DHRSX: variants seen among roughly 807,000 people sequenced by gnomAD.
The protein encoded by DHRSX is dehydrogenase/reductase X-linked, also known as polyprenol dehydrogenase.
A neutral mutation model predicts 34.0 loss-of-function variants in DHRSX; 31 were observed. The ratio of observed to expected loss-of-function variants is 0.91; its 90% CI spans 0.69 to 1.23. The LOEUF (loss-of-function observed/expected upper bound fraction) is 1.23, where lower values mean the gene tolerates loss of function less well. Ranked by LOEUF, DHRSX falls within the 50% of genes most tolerant of loss-of-function variation. The pLI, the probability that DHRSX is intolerant of heterozygous loss-of-function variation, is 0.00. For missense variants in DHRSX, 414 were observed against 428.1 expected (o/e 0.97, Z 0.29); for synonymous variants, 201 against 183.8 (o/e 1.09, Z -0.76).
intron 5 of DHRSX, among the ~76,000 whole-genome samples, chrX:2,248,355 C>A (rs891274780): frequency 6.6e-6 from 1 of 150,958 alleles, no homozygotes; most frequent in Non-Finnish European, 1.5e-5. Flanking sequence ...ATGGTGTGAA[C>A]CCAGGAGGCG....
At position 2,294,813 on chromosome X, in the gene DHRSX, AG is replaced by A. The variant is rs201013636; in HGVS notation, c.287-3211del. Among the ~76,000 whole-genome samples, 294 of 149,328 alleles carry A rather than the reference AG, an allele frequency of 2.0e-3. 2 individuals carry two copies. The highest frequency in any genetic ancestry group is 6.4e-3 in the African/African-American group (263 of 40,812). On this transcript the variant is annotated intron_variant, in intron 3 of 6. Transcript: ENST00000334651. ...AGAGAGGGAGAGAGAGAGAGGAAAA[AG>A]AGAGGGAGAGAGAGAGGGAGAAAGA...
chrX:2,225,453 T>G (rs1198146653), intron 6 of DHRSX, among the ~76,000 whole-genome samples: 2 of 152,054 alleles, frequency 1.3e-5, no homozygotes, highest in Admixed American at 6.6e-5. Context: ...CATGCAAACA[T>G]GCTTATATAT....
At chrX:2,489,662 C>G (rs1260501825) in intron 1 of DHRSX, 1 of 1,612,326 alleles carries the variant, frequency 6.2e-7, no homozygotes, top group Admixed American at 1.7e-5. Context: ...GCTCCCCCAC[C>G]AGGAGACGCG....
intron 3 of DHRSX, among the ~76,000 whole-genome samples, chrX:2,329,344 C>T (rs1237357606): frequency 1.3e-5 from 2 of 152,138 alleles, no homozygotes; most frequent in African/African-American, 4.8e-5. Context: ...TGAATCAGTG[C>T]TGCTACAATA....
chrX:2,272,650 T>C (rs2041572745), intron 4 of DHRSX, among the ~76,000 whole-genome samples: 1 of 152,072 alleles, frequency 6.6e-6, no homozygotes, highest in Non-Finnish European at 1.5e-5. Context: ...CCTGACATGC[T>C]GGAGAGGCCC....
chrX:2,484,317 C>T (rs1280804283), intron 1 of DHRSX, among the ~76,000 whole-genome samples: 2 of 152,144 alleles, frequency 1.3e-5, no homozygotes, highest in Non-Finnish European at 2.9e-5. Flanking sequence ...TGTTGAGAGA[C>T]AGAGAATGCA....
chrX:2,269,481 C>T (rs991489167), intron 4 of DHRSX, among the ~76,000 whole-genome samples: 9 of 152,014 alleles, frequency 5.9e-5, no homozygotes, highest in Non-Finnish European at 1.5e-5. Context: ...AATACATTTT[C>T]CTAGGTACAT....
intron 4 of DHRSX, among the ~76,000 whole-genome samples, chrX:2,271,283 G>A (rs1458518764): frequency 6.6e-6 from 1 of 152,190 alleles, no homozygotes; most frequent in Non-Finnish European, 1.5e-5. Flanking sequence ...CTCACCGTGA[G>A]GGTCTGCGGC....
At chrX:2,253,150 T>C (rs939472202) in intron 5 of DHRSX, among the ~76,000 whole-genome samples, 1 of 151,886 alleles carries the variant, frequency 6.6e-6, no homozygotes, top group African/African-American at 2.4e-5. Context: ...ATAGCGTCAC[T>C]GCACGGCCTG....
intron 3 of DHRSX, among the ~76,000 whole-genome samples, chrX:2,379,380 A>T (rs962546943): frequency 6.6e-6 from 1 of 152,170 alleles, no homozygotes; most frequent in Non-Finnish European, 1.5e-5. Flanking sequence ...ATGGATGATG[A>T]CTAATTAGTC....
At chrX:2,248,432 C>A (rs865968606) in intron 5 of DHRSX, among the ~76,000 whole-genome samples, 397 of 110,996 alleles carry the variant, frequency 3.6e-3, no homozygotes, top group Middle Eastern at 0.02. Context: ...GACTCTGTCT[C>A]AAAAAAAAAA....
intron 1 of DHRSX, among the ~76,000 whole-genome samples, chrX:2,454,950 T>C (rs951816301): frequency 1.3e-5 from 2 of 151,558 alleles, no homozygotes; most frequent in Non-Finnish European, 2.9e-5. Context: ...CTGTCTCTAC[T>C]AAAAACACAA....
intron 3 of DHRSX, among the ~76,000 whole-genome samples, chrX:2,318,542 C>A (rs73187629): frequency 0.18 from 27,898 of 151,970 alleles, 2,783 homozygotes; most frequent in Admixed American, 0.24. Context: ...GTTCATTATA[C>A]GCTAACTCTA....
At chrX:2,433,424 A>G (rs1441193112) in intron 1 of DHRSX, among the ~76,000 whole-genome samples, 1 of 152,042 alleles carries the variant, frequency 6.6e-6, no homozygotes, top group Non-Finnish European at 1.5e-5. Context: ...TCTGGGATAC[A>G]TGTGTAGAAC....
intron 1 of DHRSX, among the ~76,000 whole-genome samples, chrX:2,444,729 T>A (rs1391167626): frequency 6.6e-6 from 1 of 151,782 alleles, no homozygotes; most frequent in African/African-American, 2.4e-5. Context: ...CCAGCTATCA[T>A]GAGGCTGAGG....
At chrX:2,268,764 T>C (rs1320410302) in intron 4 of DHRSX, among the ~76,000 whole-genome samples, 1 of 152,258 alleles carries the variant, frequency 6.6e-6, no homozygotes, top group African/African-American at 2.4e-5. Flanking sequence ...CTATTTGGAA[T>C]TGTACAATCG....
intron 5 of DHRSX, among the ~76,000 whole-genome samples, chrX:2,248,305 C>T (rs979691180): frequency 4.6e-5 from 7 of 151,988 alleles, no homozygotes; most frequent in East Asian, 1.9e-4. Flanking sequence ...TGGTGGTGGG[C>T]GCCCGTAGTC....
intron 3 of DHRSX, among the ~76,000 whole-genome samples, chrX:2,356,486 A>G (rs2042853998): frequency 6.6e-6 from 1 of 152,200 alleles, no homozygotes; most frequent in South Asian, 2.1e-4. Context: ...TGATTGGAGA[A>G]AAGAACATGA....
At chrX:2,344,106 A>C (rs778862306) in intron 3 of DHRSX, among the ~76,000 whole-genome samples, 101 of 152,334 alleles carry the variant, frequency 6.6e-4, no homozygotes, top group African/African-American at 2.4e-3. Context: ...CTGGTTTTCT[A>C]TCTCTGACCT....
Sources: gnomAD v4.1 joint callset for allele counts (sites outside exome capture counted in the v4.1 genomes callset) on GRCh38, gnomAD v4.1.1 for gene constraint, MANE v1.5 for transcripts, NCBI Gene and HGNC (gene_info 2026-07-23, HGNC 2026-07-21) for gene names.